The following LAMA4 variants were observed in gnomAD, a reference collection of about 807,000 sequenced individuals.
LAMA4 encodes laminin subunit alpha-4.
A neutral mutation model predicts 207.1 loss-of-function variants in LAMA4; 127 were observed. The observed-to-expected ratio is 0.61, with a 90% CI of 0.53 to 0.71. LAMA4 has a LOEUF of 0.71. LAMA4 is among the 30% of genes least tolerant of loss of function. LAMA4 has a pLI of 0.00. For missense variants in LAMA4, 2,093 were observed against 2,246.5 expected (o/e 0.93, Z 1.38); for synonymous variants, 761 against 816.0 (o/e 0.93, Z 1.15).
intron 2 of LAMA4, among the ~76,000 whole-genome samples, chr6:112,217,094 G>A (rs782550212): frequency 2.6e-5 from 4 of 152,182 alleles, no homozygotes; most frequent in East Asian, 1.9e-4. Flanking sequence ...AGAATGCTGC[G>A]AGGAACACAT....
chr6:112,123,053 A>G (rs1195613021), intron 31 of LAMA4, among the ~76,000 whole-genome samples: 2 of 152,202 alleles, frequency 1.3e-5, no homozygotes, highest in African/African-American at 4.8e-5. Flanking sequence ...AGCAAATTGG[A>G]AAACAGGTTG....
chr6:112,157,994 T>C (rs80039771), intron 14 of LAMA4: 3 of 152,206 alleles, frequency 2.0e-5, no homozygotes, highest in African/African-American at 7.2e-5. Context: ...GAAGTTAATA[T>C]TGGTTCTTAT....
At chr6:112,207,509 T>C (rs913348001) in intron 3 of LAMA4, among the ~76,000 whole-genome samples, 1 of 138,420 alleles carries the variant, frequency 7.2e-6, no homozygotes, top group African/African-American at 3.5e-5. Flanking sequence ...CGAATGAATA[T>C]GAAATGAGAA....
chr6:112,252,709 T>C (rs377215523), intron 2 of LAMA4, among the ~76,000 whole-genome samples: 16 of 152,342 alleles, frequency 1.1e-4, no homozygotes, highest in African/African-American at 3.6e-4. Context: ...CAGGTGGAGA[T>C]AATGCTTCCC....
rs931294349 is a variant in LAMA4, at chr6:112,108,360, G to A, written c.*1077C>T. The stretch of plus-strand genomic sequence containing the variant: ...CTAGACTATATTAATGTAGCTACTT[G>A]GAAAAAAGATTATAACATTTTAGAA... On this transcript the variant is annotated 3_prime_UTR_variant, in exon 39 of 39. Coordinates refer to ENST00000230538, the MANE Select transcript of LAMA4 (RefSeq NM_001105206.3). Among the ~76,000 whole-genome samples the A allele has an allele frequency of 6.6e-6, 1 of 151,948 alleles. No homozygotes were observed. The highest frequency in any genetic ancestry group is 2.4e-5 in the African/African-American group (1 of 41,350).
chr6:112,194,287 G>C (rs879958776), intron 5 of LAMA4, among the ~76,000 whole-genome samples: 1 of 152,208 alleles, frequency 6.6e-6, no homozygotes, highest in Non-Finnish European at 1.5e-5. Flanking sequence ...GAGTGAAGGG[G>C]CTTGCCCAAG....
At chr6:112,172,516 C>A (rs991623167) in intron 12 of LAMA4, 95 bp downstream of exon 12, 1 of 1,130,204 alleles carries the variant, frequency 8.8e-7, no homozygotes, top group Non-Finnish European at 1.3e-6. Flanking sequence ...TTTAACTATA[C>A]CAATATTTTA....
At chr6:112,230,600 G>T (rs1252621946) in intron 2 of LAMA4, among the ~76,000 whole-genome samples, 1 of 152,082 alleles carries the variant, frequency 6.6e-6, no homozygotes, top group Non-Finnish European at 1.5e-5. Flanking sequence ...CTTCTTTTTG[G>T]ACTTGTCTGT....
Position 112,109,298 on chromosome 6 carries a change from C to A in LAMA4, c.*139G>T. 2.3e-6 allele frequency: 2 copies of A among 884,684 alleles called. No homozygotes were observed. Among genetic ancestry groups the A allele is most frequent in the Non-Finnish European group, 1.8e-6 (1 of 553,858 alleles). The allele number at this position is 884,684 out of a possible 1,614,324, so 54.8% of individuals were successfully genotyped here. The stretch of plus-strand genomic sequence containing the variant: ...AAATGAGAAATAAGAAATATCCGGT[C>A]CCTGATGATTCGTTTAAGTCCTGTT... On this transcript the variant is annotated 3_prime_UTR_variant, in exon 39 of 39. Coordinates refer to ENST00000230538, the MANE Select transcript of LAMA4 (RefSeq NM_001105206.3).
chr6:112,148,243 G>C lies in LAMA4; in HGVS notation c.2267C>G (p.Ala756Gly). 1.2e-6 allele frequency: 2 copies of C among 1,614,116 alleles called. No individual in the cohort carries two copies. The highest frequency in any genetic ancestry group is 1.7e-6 in the Non-Finnish European group (2 of 1,180,006). The change falls in exon 18 of 39, where the codon GCC (alanine) becomes GGC (glycine). Residue 756 changes from alanine to glycine, a missense_variant. Physicochemically the swap from Ala to Gly is moderately conservative, Grantham distance 60. Around this residue, in one of 3 missense-constraint regions of LAMA4, gnomAD observed 1,704 missense variants for 1,788.4 expected, o/e 0.95. Transcript: ENST00000230538. The part of the protein sequence containing the change: ...MEVQQATAPM[A>G]NNLTNWSQNL... ...CTGTGACCAGTTGGTTAGATTGTTG[G>C]CCATGGGGGCAGTGGCCTGCTGCAC...
chr6:112,228,598 T>A (rs782203586), intron 2 of LAMA4, among the ~76,000 whole-genome samples: 1 of 152,148 alleles, frequency 6.6e-6, no homozygotes, highest in Admixed American at 6.5e-5. Context: ...TTTGCAAAGA[T>A]CTGCTCCCTC....
At chr6:112,216,826 G>T (rs1435330117) in intron 2 of LAMA4, 2 of 332,458 alleles carry the variant, frequency 6.0e-6, no homozygotes, top group Non-Finnish European at 1.2e-5. Context: ...AACAAAACAA[G>T]ACCACAATTA....
chr6:112,196,168 T>C (rs1783407803), intron 5 of LAMA4, among the ~76,000 whole-genome samples: 2 of 152,168 alleles, frequency 1.3e-5, no homozygotes, highest in Non-Finnish European at 2.9e-5. Context: ...ATCATTTCTG[T>C]GTATTGTGAA....
At chr6:112,179,264 TG>T (rs1714547384) in intron 9 of LAMA4, 2 of 152,182 alleles carry the variant, frequency 1.3e-5, no homozygotes, top group Non-Finnish European at 2.9e-5. Context: ...TGGGCGTCTG[TG>T]TGTATGTGTG....
In LAMA4 at chr6:112,150,202, G is replaced by GAC. The variant is rs68144829; in HGVS notation, c.2173+307_2173+308dup. Among the ~76,000 whole-genome samples, 13,288 of 143,136 alleles carry GAC rather than the reference G, an allele frequency of 0.093. 766 individuals carry two copies. Among genetic ancestry groups the GAC allele is most frequent in the African/African-American group, 0.18 (6,739 of 38,348 alleles). The allele number at this position is 143,136 out of a possible 152,430, so 93.9% of individuals were successfully genotyped here. A position where few individuals can be genotyped will look rare whatever the true frequency, so the allele number is the denominator to read the frequency against. Reference sequence around the variant, plus strand: ...TATAAACAGCATGATCCCATTAAAAGACACACACACACACACACACACACA... The same window carrying GAC: ...TATAAACAGCATGATCCCATTAAAAGACACACACACACACACACACACACACA... On this transcript the variant is annotated intron_variant, in intron 17 of 38. Coordinates refer to ENST00000230538, the MANE Select transcript of LAMA4 (RefSeq NM_001105206.3).
intron 32 of LAMA4, among the ~76,000 whole-genome samples, chr6:112,121,018 G>A (rs973518018): frequency 7.2e-5 from 11 of 152,108 alleles, no homozygotes; most frequent in African/African-American, 2.2e-4. Flanking sequence ...AGGCCACAGT[G>A]AGCCATGATC....
chr6:112,215,057 A>G (rs1784552535), intron 3 of LAMA4, among the ~76,000 whole-genome samples: 1 of 152,240 alleles, frequency 6.6e-6, no homozygotes, highest in Non-Finnish European at 1.5e-5. Context: ...TCAAATTATC[A>G]GAGATGTACG....
At chr6:112,183,855 G>A (rs1385360422) in intron 9 of LAMA4, among the ~76,000 whole-genome samples, 1 of 149,408 alleles carries the variant, frequency 6.7e-6, no homozygotes, top group Non-Finnish European at 1.5e-5. Flanking sequence ...GGAGGCTGAG[G>A]CAGGAGAATC....
At position 112,172,768 on chromosome 6, in the gene LAMA4, T is replaced by C. The variant is rs1315842790; in HGVS notation, c.1394A>G (p.Asn465Ser). The C allele has an allele frequency of 4.3e-6, 7 of 1,613,934 alleles. No homozygotes were observed. Among genetic ancestry groups the C allele is most frequent in the Non-Finnish European group, 5.9e-6 (7 of 1,179,982 alleles). Residue 465 changes from asparagine (N) to serine (S), a missense_variant, in exon 12 of 39, where the codon AAT (asparagine) becomes AGT (serine). Asn to Ser is a conservative substitution (Grantham distance 46). Around this residue, in one of 3 missense-constraint regions of LAMA4, gnomAD observed 1,704 missense variants for 1,788.4 expected, o/e 0.95. Coordinates refer to ENST00000230538, the MANE Select transcript of LAMA4 (RefSeq NM_001105206.3). The stretch of plus-strand genomic sequence containing the variant: ...GACAGGAAACAGAGTGCGGGTCTCA[T>C]TGTGCAGCCGCTGCCAGCTCTCAGC... Reference protein sequence around the residue: ...SQAESWQRLHNETRTLFPVVL... With the variant: ...SQAESWQRLHSETRTLFPVVL...
Sources: gnomAD v4.1 joint callset for allele counts (sites outside exome capture counted in the v4.1 genomes callset) on GRCh38, gnomAD v4.1.1 for gene constraint, gnomAD v4.1.1 regional missense constraint, MANE v1.5 for transcripts, NCBI Gene and HGNC (gene_info 2026-07-23, HGNC 2026-07-21) for gene names.